ZFHX3: variants seen among roughly 807,000 people sequenced by gnomAD.
ZFHX3 encodes the protein zinc finger homeobox 3, also known as zinc finger homeobox protein 3.
ZFHX3 carries 42 observed loss-of-function variants against 279.1 expected under a neutral mutation model. The observed-to-expected ratio is 0.15, with a 90% CI of 0.12 to 0.19. The LOEUF is 0.19. Among genes scored for constraint, ZFHX3 ranks in the 10% least tolerant of loss-of-function variants. The pLI is 1.00. For synonymous variants in ZFHX3, 2,293 were observed against 1,957.8 expected (o/e 1.17, Z -4.52); for missense variants, 4,981 against 4,754.0 (o/e 1.05, Z -1.40).
At chr16:73,044,947 C>T (rs1039409922) in intron 1 of ZFHX3, among the ~76,000 whole-genome samples, 4 of 152,126 alleles carry the variant, frequency 2.6e-5, no homozygotes, top group African/African-American at 9.7e-5. Context: ...AAAGACAGCT[C>T]ACTTTCTTCC....
At chr16:73,874,727 C>T (rs546450332) in intron 1 of ZFHX3, among the ~76,000 whole-genome samples, 2 of 152,250 alleles carry the variant, frequency 1.3e-5, no homozygotes, top group South Asian at 4.2e-4. Flanking sequence ...ATCTCAAGTA[C>T]ACAGTGAAAA....
intron 1 of ZFHX3, among the ~76,000 whole-genome samples, chr16:73,758,763 A>G (rs190548700): frequency 1.2e-4 from 18 of 152,234 alleles, no homozygotes; most frequent in South Asian, 2.1e-4. Flanking sequence ...CCATAGCACT[A>G]CCTACAATTT....
chr16:73,273,997 A>T (rs2014226025), intron 4 of ZFHX3, among the ~76,000 whole-genome samples: 1 of 152,138 alleles, frequency 6.6e-6, no homozygotes, highest in Admixed American at 6.5e-5. Flanking sequence ...ACAAAAAATT[A>T]GCTAGGCATG....
At chr16:73,607,094 T>C (rs1425429095) in intron 2 of ZFHX3, among the ~76,000 whole-genome samples, 1 of 152,226 alleles carries the variant, frequency 6.6e-6, no homozygotes, top group African/African-American at 2.4e-5. Context: ...AATGGCACAC[T>C]CTTGGCTCAC....
At chr16:73,478,862 C>T (rs928040756) in intron 2 of ZFHX3, among the ~76,000 whole-genome samples, 2 of 152,108 alleles carry the variant, frequency 1.3e-5, no homozygotes, top group African/African-American at 4.8e-5. Flanking sequence ...ACCAGCCTGG[C>T]CAGCATGGTG....
chr16:72,889,968 A>G lies in ZFHX3; in HGVS notation c.3217-6T>C, dbSNP rs774522804. The stretch of plus-strand genomic sequence containing the variant: ...CTCTCATGCTGCTGCAGGTGCTGCA[A>G]GTAACAAAAGAGAAAGACATGCCTT... On this transcript the variant is annotated splice_region_variant and splice_polypyrimidine_tract_variant and intron_variant, in intron 3 of 9. Transcript: ENST00000268489. 1 of 1,610,654 alleles carries G rather than the reference A, an allele frequency of 6.2e-7. No homozygotes were observed. The highest frequency in any genetic ancestry group is 8.5e-7 in the Non-Finnish European group (1 of 1,178,934).
intron 3 of ZFHX3, among the ~76,000 whole-genome samples, chr16:73,327,104 C>T (rs937549145): frequency 2.0e-5 from 3 of 152,212 alleles, no homozygotes; most frequent in South Asian, 2.1e-4. Flanking sequence ...GACAAATGGT[C>T]ATGGGTCTTA....
At chr16:73,150,916 A>G (rs1966925515) in intron 5 of ZFHX3, among the ~76,000 whole-genome samples, 1 of 152,360 alleles carries the variant, frequency 6.6e-6, no homozygotes, top group Middle Eastern at 3.4e-3. Context: ...GTGCGCGCAG[A>G]TAAGAAACAT....
chr16:72,870,055 A>G (rs1444687427), intron 4 of ZFHX3, among the ~76,000 whole-genome samples: 1 of 152,170 alleles, frequency 6.6e-6, no homozygotes, highest in Admixed American at 6.5e-5. Flanking sequence ...GCTGACCTAC[A>G]CTCTTCAAAT....
chr16:73,362,679 C>G (rs2016452764), intron 3 of ZFHX3, among the ~76,000 whole-genome samples: 1 of 152,246 alleles, frequency 6.6e-6, no homozygotes, highest in Non-Finnish European at 1.5e-5. Flanking sequence ...AACAGGGCAC[C>G]TGCCCACCAG....
chr16:73,437,053 G>T (rs1033352304), intron 3 of ZFHX3, among the ~76,000 whole-genome samples: 1 of 152,184 alleles, frequency 6.6e-6, no homozygotes, highest in Non-Finnish European at 1.5e-5. Flanking sequence ...GCCTGACACC[G>T]CAATCTGGAA....
intron 5 of ZFHX3, among the ~76,000 whole-genome samples, chr16:72,827,913 C>A (rs894045760): frequency 2.0e-5 from 3 of 152,172 alleles, no homozygotes; most frequent in African/African-American, 7.2e-5. Flanking sequence ...CTGTGTCTCC[C>A]AGGAAACACT....
At chr16:72,928,706 AG>A (rs1362864114) in intron 3 of ZFHX3, among the ~76,000 whole-genome samples, 1 of 152,228 alleles carries the variant, frequency 6.6e-6, no homozygotes, top group Non-Finnish European at 1.5e-5. Flanking sequence ...GGCCAGATAT[AG>A]TGGCTCAGGC....
At chr16:73,491,473 C>T (rs1311442900) in intron 2 of ZFHX3, among the ~76,000 whole-genome samples, 1 of 152,186 alleles carries the variant, frequency 6.6e-6, no homozygotes, top group Non-Finnish European at 1.5e-5. Context: ...TTTGAATACG[C>T]TTCAAAAGAT....
At chr16:73,664,059 T>C (rs191224881) in intron 2 of ZFHX3, among the ~76,000 whole-genome samples, 6 of 152,246 alleles carry the variant, frequency 3.9e-5, no homozygotes, top group Non-Finnish European at 7.4e-5. Context: ...GAATATAAAA[T>C]AATTTTACTC....
intron 2 of ZFHX3, among the ~76,000 whole-genome samples, chr16:73,542,568 G>C (rs1448799304): frequency 6.6e-6 from 1 of 152,090 alleles, no homozygotes; most frequent in Non-Finnish European, 1.5e-5. Context: ...ATCTGTTCAT[G>C]ATAAGGCGTT....
chr16:73,194,509 T>C (rs1968103467), intron 5 of ZFHX3, among the ~76,000 whole-genome samples: 2 of 152,312 alleles, frequency 1.3e-5, no homozygotes, highest in Middle Eastern at 6.8e-3. Flanking sequence ...CTTATTGCCT[T>C]CTTACTTGCT....
At chr16:72,881,854 C>T (rs34250284) in intron 4 of ZFHX3, among the ~76,000 whole-genome samples, 13,416 of 152,252 alleles carry the variant, frequency 0.088, 821 homozygotes, top group Middle Eastern at 0.15. Context: ...CACAAACACC[C>T]ACTGACTGGC....
intron 2 of ZFHX3, among the ~76,000 whole-genome samples, chr16:73,553,555 T>A (rs140803216): frequency 1.2e-3 from 179 of 152,316 alleles, no homozygotes; most frequent in African/African-American, 4.2e-3. Context: ...TGATGAAACA[T>A]TGGTATCTCA....
Sources: allele counts gnomAD v4.1 joint callset (sites outside exome capture counted in the v4.1 genomes callset), GRCh38; gene constraint gnomAD v4.1.1; transcripts MANE v1.5; gene names NCBI Gene and HGNC (gene_info 2026-07-23, HGNC 2026-07-21).